Variants in EPS8L2 observed in about 807,000 individuals in gnomAD.
EPS8L2 encodes the protein epidermal growth factor receptor kinase substrate 8-like protein 2.
EPS8L2 carries 81 observed loss-of-function variants against 99.4 expected under a neutral mutation model. That is an observed-to-expected ratio of 0.82 (90% CI 0.68 to 0.98). EPS8L2 has a LOEUF of 0.98. Ranked by LOEUF, EPS8L2 falls within the 50% of genes least tolerant of loss-of-function variation. The pLI is 0.00. For synonymous variants in EPS8L2, 509 were observed against 407.3 expected, an observed-to-expected ratio of 1.25 and a Z score of -3.01; for missense variants, 1,155 against 968.8, an observed-to-expected ratio of 1.19 and a Z score of -2.55.
chr11:724,826 A>G lies in EPS8L2; in HGVS notation c.1557A>G (p.Leu519=), dbSNP rs1862272922. ...TATCGGTGCTCAAGGATGAGGTCCT[A>G]GAGGTGAGGGGCTGGAGGACGGGGT... The part of the protein sequence containing the change: ...NELSVLKDEV[L]EVLEDGRQWW... The change falls in exon 16 of 21, where the codon CTA becomes CTG. Residue 519 remains leucine, a synonymous_variant. Transcript: ENST00000318562. This position sits in a 1 kb window ranked among gnomAD's most constrained non-coding sequence, Gnocchi z 5.5. The G allele has an allele frequency of 1.2e-6, 2 of 1,607,862 alleles. No individual in the cohort carries two copies.
rs761604917 is a variant in EPS8L2, at chr11:721,927, G to T, written c.920G>T (p.Arg307Leu). The T allele has an allele frequency of 3.1e-6, 5 of 1,595,690 alleles. No homozygotes were observed. In the African/African-American group the frequency reaches 5.4e-5, roughly 17 times the overall value. Residue 307 changes from arginine to leucine, a missense_variant, in exon 11 of 21, where the codon CGG becomes CTG. Coordinates refer to ENST00000318562, the MANE Select transcript of EPS8L2 (RefSeq NM_022772.4). ...GAGGGCGTCCTCACACTGCGGGCACGGCCCCCCTCTGAGGGCGAGTTCATC... is the reference window on the plus strand; with the variant it reads ...GAGGGCGTCCTCACACTGCGGGCACTGCCCCCCTCTGAGGGCGAGTTCATC... Reference protein sequence around the residue: ...PAEGVLTLRARPPSEGEFIDC... With the variant: ...PAEGVLTLRALPPSEGEFIDC...
chr11:710,270 G>A, intron 3 of EPS8L2, 152 bp from the exon 4 acceptor site: 1 of 702,856 alleles, frequency 1.4e-6, no homozygotes, highest in South Asian at 1.7e-5. Context: ...TGCAGGTCCT[G>A]ATTTCACACC....
Position 709,576 on chromosome 11 carries a change from G to C in EPS8L2, c.68G>C (p.Gly23Ala). Residue 23 changes from glycine to alanine, a missense_variant, in exon 3 of 21, where the codon GGT becomes GCT. Gly to Ala is a moderately conservative substitution (Grantham distance 60, BLOSUM62 0). Transcript: ENST00000318562. Reference protein sequence around the residue: ...ATNGSLGRSDGVAKMSPKDLF... With the variant: ...ATNGSLGRSDAVAKMSPKDLF... ...AGTGGCAGCCTGGGCCGGTCCGACG[G>C]TGTGGCCAAGATGAGCCCCAAGGAC... 2 of 1,613,108 alleles carry C rather than the reference G, an allele frequency of 1.2e-6. No homozygotes were observed.
chr11:710,800 A>T (rs1861869723), intron 4 of EPS8L2, among the ~76,000 whole-genome samples: 1 of 152,204 alleles, frequency 6.6e-6, no homozygotes, highest in Admixed American at 6.5e-5. Flanking sequence ...GGAAAGCTCC[A>T]GGGAGAGTGG....
intron 20 of EPS8L2, 30 bp downstream of exon 20, chr11:726,781 C>T (rs1211307119): frequency 1.3e-5 from 20 of 1,579,570 alleles, no homozygotes; most frequent in Admixed American, 1.8e-5. Flanking sequence ...GGCGCCACGC[C>T]CCTCCTGCCC....
At position 722,470 on chromosome 11, in the gene EPS8L2, G is replaced by C; in HGVS notation, c.1129G>C (p.Val377Leu). The change falls in exon 13 of 21, where the codon GTG becomes CTG. Residue 377 changes from valine to leucine, a missense_variant. Physicochemically the swap from Val to Leu is conservative, Grantham distance 32 (BLOSUM62 1). Coordinates refer to ENST00000318562, the MANE Select transcript of EPS8L2 (RefSeq NM_022772.4). The part of the protein sequence containing the change: ...VSCPLLSRDA[V>L]DFLRGHLVPK... Reference sequence around the variant, plus strand: ...CTGCCCACTGCTCTCCCGAGATGCCGTGGACTTCCTGCGCGGCCACCTGGT... The same window carrying C: ...CTGCCCACTGCTCTCCCGAGATGCCCTGGACTTCCTGCGCGGCCACCTGGT... 1 of 1,613,436 alleles carries C rather than the reference G, an allele frequency of 6.2e-7. No homozygotes were observed.
At chr11:719,991 G>T in intron 4 of EPS8L2, 71 bp from the exon 5 acceptor site, 1 of 1,490,974 alleles carries the variant, frequency 6.7e-7, no homozygotes, top group African/African-American at 1.4e-5. Context: ...CCCTCAGGCT[G>T]TGGCCCCTGG....
At chr11:710,901 G>A (rs971516564) in intron 4 of EPS8L2, among the ~76,000 whole-genome samples, 17 of 152,238 alleles carry the variant, frequency 1.1e-4, no homozygotes, top group African/African-American at 4.1e-4. Context: ...GCCGGGGAAA[G>A]CGCCCCTCTG....
Position 720,228 on chromosome 11 carries a change from G to A in EPS8L2, c.327+5G>A. ...CTGCTGGACATCGAGTCACAGGTGG[G>A]GCCCAGCGCCACGGGGGACAGGGAG... On this transcript the variant is annotated splice_donor_5th_base_variant and intron_variant, in intron 5 of 20. Coordinates refer to ENST00000318562, the MANE Select transcript of EPS8L2 (RefSeq NM_022772.4). The A allele has an allele frequency of 6.2e-7, 1 of 1,612,760 alleles. No homozygotes were observed.
At chr11:723,924 G>A (rs900325666) in intron 15 of EPS8L2, among the ~76,000 whole-genome samples, 1 of 152,168 alleles carries the variant, frequency 6.6e-6, no homozygotes, top group African/African-American at 2.4e-5. Flanking sequence ...TCAATTTTGG[G>A]GTAAAGAGGG....
At chr11:722,065 A>G (rs1447122003) in intron 11 of EPS8L2, 26 bp from the exon 12 acceptor site, 1 of 1,610,754 alleles carries the variant, frequency 6.2e-7, no homozygotes, top group Admixed American at 1.7e-5. Context: ...CCGCCCCGGC[A>G]CCTGCTCACT....
chr11:715,149 G>A (rs1201617450), intron 4 of EPS8L2, among the ~76,000 whole-genome samples: 2 of 152,134 alleles, frequency 1.3e-5, no homozygotes, highest in East Asian at 3.8e-4. Context: ...GGCTGAGGCA[G>A]GAGAATGGCG....
Position 723,281 on chromosome 11 carries a change from A to G in EPS8L2, c.1382A>G (p.Lys461Arg), listed in dbSNP as rs1450033956. ...VSRQSIRNSQ[K>R]HSPTSEPTPP... ...CGACAGTCCATAAGAAACTCCCAGA[A>G]GCACAGCCCCACTTCAGAGCCCACC... Residue 461 changes from lysine (K) to arginine (R), a missense_variant, in exon 15 of 21, where the codon AAG becomes AGG. Physicochemically the swap from Lys to Arg is conservative, Grantham distance 26 (BLOSUM62 2). Coordinates refer to ENST00000318562, the MANE Select transcript of EPS8L2 (RefSeq NM_022772.4). The G allele has an allele frequency of 5.6e-6, 9 of 1,606,882 alleles. No homozygotes were observed. The highest frequency in any genetic ancestry group is 7.6e-6 in the Non-Finnish European group (9 of 1,177,896).
At chr11:722,334 G>T in intron 12 of EPS8L2, 67 bp from the exon 13 acceptor site, 1 of 1,582,440 alleles carries the variant, frequency 6.3e-7, no homozygotes. Context: ...GCCAGCCTGT[G>T]GAGCTACGGG....
chr11:722,474 A>G lies in EPS8L2; in HGVS notation c.1133A>G (p.Asp378Gly). The change falls in exon 13 of 21, where the codon GAC (aspartate) becomes GGC (glycine). Residue 378 changes from aspartate to glycine, a missense_variant. Asp to Gly is a moderately conservative substitution (Grantham distance 94, BLOSUM62 -1). Transcript: ENST00000318562. ...CCACTGCTCTCCCGAGATGCCGTGG[A>G]CTTCCTGCGCGGCCACCTGGTCCCT... ...SCPLLSRDAV[D>G]FLRGHLVPKE... The G allele has an allele frequency of 6.2e-7, 1 of 1,613,480 alleles. No individual in the cohort carries two copies. Among genetic ancestry groups the G allele is most frequent in the Non-Finnish European group, 8.5e-7 (1 of 1,179,926 alleles).
chr11:709,308 C>A, intron 1 of EPS8L2, 22 bp from the exon 2 acceptor site: 1 of 1,378,010 alleles, frequency 7.3e-7, no homozygotes, highest in Non-Finnish European at 1.0e-6. Flanking sequence ...GAAGTGTCAG[C>A]GCAGCCCTTC....
At chr11:714,522 C>T (rs1428828416) in intron 4 of EPS8L2, among the ~76,000 whole-genome samples, 16 of 151,822 alleles carry the variant, frequency 1.1e-4, no homozygotes, top group African/African-American at 1.7e-4. Context: ...TGAGCCGCCG[C>T]GCTGGGCCAG....
At chr11:715,035 G>C (rs1452385620) in intron 4 of EPS8L2, among the ~76,000 whole-genome samples, 1 of 152,148 alleles carries the variant, frequency 6.6e-6, no homozygotes, top group Non-Finnish European at 1.5e-5. Flanking sequence ...AAGGTCAGGA[G>C]ATCAAGACCA....
At chr11:726,835 AG>A (rs1862344450) in intron 20 of EPS8L2, 65 bp from the exon 21 acceptor site, 11 of 1,588,806 alleles carry the variant, frequency 6.9e-6, no homozygotes, top group South Asian at 1.1e-5. Context: ...TCGCAGAGCA[AG>A]GGGGAGGCCG....
Sources: allele counts gnomAD v4.1 joint callset (sites outside exome capture counted in the v4.1 genomes callset), GRCh38; gene constraint gnomAD v4.1.1; non-coding constraint Gnocchi (gnomAD v3.1); transcripts MANE v1.5; gene names NCBI Gene and HGNC (gene_info 2026-07-23, HGNC 2026-07-21).